The following SFTPC variants were observed in gnomAD, a reference collection of about 807,000 sequenced individuals.
SFTPC encodes BRICHOS domain containing 6.
In SFTPC, 12 loss-of-function variants were observed where a neutral mutation model predicts 19.9. The ratio of observed to expected loss-of-function variants is 0.60; its 90% confidence interval spans 0.39 to 0.98. The LOEUF (loss-of-function observed/expected upper bound fraction) is 0.98. Ranked by LOEUF, SFTPC falls within the 50% of genes least tolerant of loss-of-function variation. The pLI, the probability that SFTPC is intolerant of heterozygous loss-of-function variation, is 0.00. For missense variants in SFTPC, 219 were observed against 252.2 expected, an observed-to-expected ratio of 0.87 and a Z score of 0.89; for synonymous variants, 123 against 103.3, an observed-to-expected ratio of 1.19 and a Z score of -1.16.
At chr8:22,159,655 A>G, upstream of SFTPC, 3 of 616,536 alleles carry the variant, frequency 4.9e-6, no homozygotes, top group Non-Finnish European at 8.0e-6. Flanking sequence ...AAGGACCAGA[A>G]AGAGCAGAGG....
In SFTPC at chr8:22,164,079, G is replaced by A. The variant is rs777132226; in HGVS notation, c.*18+20G>A. Reference sequence around the variant, plus strand: ...GAGCAGGTGTGATCCCAGGGCCCCTGATCAGCAGCGGAGGAGCGCTCGGGC... The same window carrying A: ...GAGCAGGTGTGATCCCAGGGCCCCTAATCAGCAGCGGAGGAGCGCTCGGGC... On this transcript the variant is annotated intron_variant, in intron 5 of 5. Coordinates refer to ENST00000679463, the MANE Select transcript of SFTPC (RefSeq NM_001317778.2). 45 of 1,611,354 alleles carry A rather than the reference G, an allele frequency of 2.8e-5. No individual in the cohort carries two copies. The highest frequency in any genetic ancestry group is 3.7e-5 in the Non-Finnish European group (44 of 1,179,950).
upstream of SFTPC, chr8:22,161,627 A>G: frequency 1.1e-5 from 17 of 1,523,594 alleles, no homozygotes; most frequent in Non-Finnish European, 1.5e-5. Context: ...TGCCAGGGCC[A>G]AGGGCCCTTG....
upstream of SFTPC, chr8:22,158,998 G>A (rs1185290774): frequency 6.6e-6 from 1 of 152,292 alleles, no homozygotes; most frequent in Admixed American, 6.5e-5. Flanking sequence ...GAACATTCAT[G>A]TGTGCTGAAT....
At chr8:22,159,660 C>G, upstream of SFTPC, 1 of 636,642 alleles carries the variant, frequency 1.6e-6, no homozygotes, top group Non-Finnish European at 2.5e-6. Flanking sequence ...CCAGAAAGAG[C>G]AGAGGCTTTT....
At chr8:22,163,239 G>C (rs753810106) in intron 3 of SFTPC, 37 bp downstream of exon 3, 2 of 1,613,916 alleles carry the variant, frequency 1.2e-6, no homozygotes, top group East Asian at 4.5e-5. Context: ...TGGGACCAAT[G>C]ACAAGGCTCT....
upstream of SFTPC, chr8:22,161,631 G>A (rs879184908): frequency 6.9e-5 from 106 of 1,544,914 alleles, no homozygotes; most frequent in South Asian, 1.2e-3. Flanking sequence ...AGGGCCAAGG[G>A]CCCTTGGGGG....
chr8:22,161,809 A>G lies in SFTPC; in HGVS notation c.-20A>G. 1 of 1,614,014 alleles carries G rather than the reference A, an allele frequency of 6.2e-7. No homozygotes were observed. Among genetic ancestry groups the G allele is most frequent in the Non-Finnish European group, 8.5e-7 (1 of 1,179,996 alleles). ...CACACCTGGGAGAGGAGGAGAGGAGAGCATAGCACCTGCAGCAAGATGGAT... is the reference window on the plus strand; with the variant it reads ...CACACCTGGGAGAGGAGGAGAGGAGGGCATAGCACCTGCAGCAAGATGGAT... On this transcript the variant is annotated 5_prime_UTR_variant, in exon 1 of 6. Coordinates refer to ENST00000679463, the MANE Select transcript of SFTPC (RefSeq NM_001317778.2).
upstream of SFTPC, chr8:22,159,837 T>G (rs1178602567): frequency 1.5e-5 from 19 of 1,287,744 alleles, no homozygotes; most frequent in Non-Finnish European, 1.8e-5. Context: ...GCTGCCCACC[T>G]GGCTCAGGCC....
chr8:22,159,021 T>C (rs1586414125), upstream of SFTPC: 1 of 152,164 alleles, frequency 6.6e-6, no homozygotes, highest in Non-Finnish European at 1.5e-5. Context: ...CAGGTGAAGG[T>C]GCCACAGAGA....
At chr8:22,157,991 T>G (rs77722591), upstream of SFTPC, among the ~76,000 whole-genome samples, 908 of 152,326 alleles carry the variant, frequency 6.0e-3, 5 homozygotes, top group Non-Finnish European at 0.01. Flanking sequence ...TTGAGAGTGT[T>G]AAGGGGTCCT....
At chr8:22,159,717 C>T (rs1351710062), upstream of SFTPC, 2 of 1,206,526 alleles carry the variant, frequency 1.7e-6, no homozygotes, top group East Asian at 5.7e-5. Context: ...GGCGGCAAAC[C>T]CCACCCACAG....
Position 22,163,975 on chromosome 8 carries a change from G to C in SFTPC, c.510G>C (p.Gly170=). 6.2e-7 allele frequency: 1 copy of C among 1,612,996 alleles called. No homozygotes were observed. ...GRDAGSAPSG[G]DPAFLGMAVS... Reference sequence around the variant, plus strand: ...ATGCAGGCTCAGCACCCTCCGGAGGGGACCCGGCCTTCCTGGGCATGGCCG... The same window carrying C: ...ATGCAGGCTCAGCACCCTCCGGAGGCGACCCGGCCTTCCTGGGCATGGCCG... The change falls in exon 5 of 6, where the codon GGG becomes GGC. Residue 170 remains glycine (G), a synonymous_variant. Transcript: ENST00000679463.
chr8:22,158,326 G>T (rs1396426427), upstream of SFTPC, among the ~76,000 whole-genome samples: 1 of 152,192 alleles, frequency 6.6e-6, no homozygotes, highest in African/African-American at 2.4e-5. Context: ...CAGCTTGGGG[G>T]GAGGGAAGCA....
chr8:22,162,710 T>C lies in SFTPC; in HGVS notation c.179T>C (p.Met60Thr). 6.2e-7 allele frequency: 1 copy of C among 1,614,174 alleles called. No individual in the cohort carries two copies. The highest frequency in any genetic ancestry group is 8.5e-7 in the Non-Finnish European group (1 of 1,180,024). ...GGAGCCCTGCTCATGGGTCTCCACA[T>C]GAGCCAGAAACACACGGAGATGGTG... Reference protein sequence around the residue: ...IVGALLMGLHMSQKHTEMVLE... With the variant: ...IVGALLMGLHTSQKHTEMVLE... Residue 60 changes from methionine to threonine, a missense_variant, in exon 2 of 6, where the codon ATG becomes ACG. Physicochemically the swap from Met to Thr is moderately conservative, Grantham distance 81. Transcript: ENST00000679463.
upstream of SFTPC, among the ~76,000 whole-genome samples, chr8:22,160,552 A>C (rs1827674352): frequency 6.6e-6 from 1 of 152,222 alleles, no homozygotes; most frequent in Admixed American, 6.5e-5. Context: ...TCAACGCTGC[A>C]GTGAGCAGTG....
At chr8:22,160,586 G>A (rs1456116434), upstream of SFTPC, among the ~76,000 whole-genome samples, 1 of 152,166 alleles carries the variant, frequency 6.6e-6, no homozygotes, top group Non-Finnish European at 1.5e-5. Context: ...ATGCCAGCCT[G>A]GGTGATAAAG....
At position 22,163,999 on chromosome 8, in the gene SFTPC, C is replaced by T. The variant is rs779136923; in HGVS notation, c.534C>T (p.Ala178=). The change falls in exon 5 of 6, where the codon GCC becomes GCT. Residue 178 remains alanine, a synonymous_variant. Coordinates refer to ENST00000679463, the MANE Select transcript of SFTPC (RefSeq NM_001317778.2). ...SGGDPAFLGM[A]VSTLCGEVPL... ...GGGACCCGGCCTTCCTGGGCATGGC[C>T]GTGAGCACCCTGTGTGGCGAGGTGC... 2.5e-6 allele frequency: 4 copies of T among 1,612,532 alleles called. No homozygotes were observed. The highest frequency in any genetic ancestry group is 2.0e-4 in the Middle Eastern group (1 of 4,968).
chr8:22,159,581 A>G, upstream of SFTPC: 1 of 384,220 alleles, frequency 2.6e-6, no homozygotes, highest in Admixed American at 3.5e-5. Flanking sequence ...GAGAAGAAGC[A>G]GCAGCAGCAG....
At chr8:22,161,938 C>T in intron 1 of SFTPC, 68 bp downstream of exon 1, 1 of 1,466,494 alleles carries the variant, frequency 6.8e-7, no homozygotes, top group Non-Finnish European at 9.5e-7. Flanking sequence ...CCTGCCTCCT[C>T]TATCCTCCCT....
Sources: allele counts gnomAD v4.1 joint callset (sites outside exome capture counted in the v4.1 genomes callset), GRCh38; gene constraint gnomAD v4.1.1; transcripts MANE v1.5; gene names NCBI Gene and HGNC (gene_info 2026-07-23, HGNC 2026-07-21).